The following TXNL4A variants were observed in gnomAD, a reference collection of about 807,000 sequenced individuals.
TXNL4A encodes the protein thioredoxin-like protein 4A.
A neutral mutation model predicts 14.6 loss-of-function variants in TXNL4A; 17 were observed. The ratio of observed to expected loss-of-function variants is 1.16; its 90% CI spans 0.80 to 1.74. The LOEUF (loss-of-function observed/expected upper bound fraction) is 1.74. Among genes scored for constraint, TXNL4A ranks in the 40% most tolerant of loss-of-function variants. The pLI, the probability that TXNL4A is intolerant of heterozygous loss-of-function variation, is 0.00. For synonymous variants in TXNL4A, 83 were observed against 70.6 expected (o/e 1.18, Z -0.88); for missense variants, 74 against 195.2 (o/e 0.38, Z 3.70).
intron 1 of TXNL4A, chr18:79,995,343 C>T (rs752478304): frequency 7.2e-5 from 11 of 152,336 alleles, no homozygotes; most frequent in Non-Finnish European, 7.3e-5. Context: ...TGAAGACAGA[C>T]GCAGAGATGC....
At position 79,999,405 on chromosome 18, in the gene TXNL4A, G is replaced by A. The variant is rs554857861; in HGVS notation, c.-60-21704C>T. On this transcript the variant is annotated intron_variant, in intron 1 of 2. Transcript: ENST00000585474. ...ACAAAAATTAGCCAGGCATGGTGGCGGGTGCCTGTAATCCCAGCTACTTGG... is the reference window on the plus strand; with the variant it reads ...ACAAAAATTAGCCAGGCATGGTGGCAGGTGCCTGTAATCCCAGCTACTTGG... Among the ~76,000 whole-genome samples, 71 of 151,764 alleles carry A rather than the reference G, an allele frequency of 4.7e-4. 1 individual carries two copies. Among genetic ancestry groups the A allele is most frequent in the Non-Finnish European group, 8.2e-4 (56 of 67,954 alleles).
At chr18:79,988,671 G>T (rs1327168009), upstream of TXNL4A, 6 of 267,242 alleles carry the variant, frequency 2.2e-5, no homozygotes, top group Admixed American at 5.5e-5. Flanking sequence ...GTAGTTGGCC[G>T]GGTGGAGCGG....
intron 1 of TXNL4A, among the ~76,000 whole-genome samples, chr18:79,995,751 A>G (rs965047665): frequency 2.6e-5 from 4 of 152,322 alleles, no homozygotes; most frequent in South Asian, 4.1e-4. Context: ...AGCCCCAGAA[A>G]GATTTTAAGC....
chr18:80,012,778 T>C (rs1338617710), intron 1 of TXNL4A, among the ~76,000 whole-genome samples: 1 of 152,244 alleles, frequency 6.6e-6, no homozygotes, highest in Non-Finnish European at 1.5e-5. Flanking sequence ...TTACAGGGTC[T>C]GTTGGTTTAG....
At position 79,975,732 on chromosome 18, in the gene TXNL4A, G is replaced by A. The variant is rs554113767; in HGVS notation, c.257+1866C>T. On this transcript the variant is annotated intron_variant, in intron 2 of 2. Coordinates refer to ENST00000269601, the MANE Select transcript of TXNL4A (RefSeq NM_006701.5). The stretch of plus-strand genomic sequence containing the variant: ...AGGGGACCCCCGTTACAGAGTGGCC[G>A]AGGAACAGGGACACGGGGTCCGCAG... 3.1e-4 allele frequency among the ~76,000 whole-genome samples: 47 copies of A among 152,260 alleles called. No individual in the cohort carries two copies. In the South Asian group the frequency reaches 3.7e-3, roughly 12 times the overall value.
At chr18:80,004,428 C>G (rs1454956403) in intron 1 of TXNL4A, among the ~76,000 whole-genome samples, 1 of 152,186 alleles carries the variant, frequency 6.6e-6, no homozygotes, top group African/African-American at 2.4e-5. Flanking sequence ...GGCTGCATCT[C>G]TCAAGCCAGA....
intron 1 of TXNL4A, among the ~76,000 whole-genome samples, chr18:80,026,906 A>C (rs750955543): frequency 6.6e-6 from 1 of 152,240 alleles, no homozygotes; most frequent in Non-Finnish European, 1.5e-5. Context: ...ATGTACCACA[A>C]TTTAGTACCA....
At chr18:80,012,713 G>A (rs2051778158) in intron 1 of TXNL4A, among the ~76,000 whole-genome samples, 1 of 152,200 alleles carries the variant, frequency 6.6e-6, no homozygotes, top group Admixed American at 6.5e-5. Flanking sequence ...GGCAAATAGA[G>A]TTTTGAAAAA....
Position 79,982,322 on chromosome 18 carries a change from T to C in TXNL4A, c.154-4621A>G, listed in dbSNP as rs569717838. ...GTATTTATTTCTAAGAAAGCAGGAATTGAAGAGTTCAGTTTTGTATATACT... is the reference window on the plus strand; with the variant it reads ...GTATTTATTTCTAAGAAAGCAGGAACTGAAGAGTTCAGTTTTGTATATACT... On this transcript the variant is annotated intron_variant, in intron 1 of 2. Coordinates refer to ENST00000269601, the MANE Select transcript of TXNL4A (RefSeq NM_006701.5). This position sits in a 1 kb window ranked among gnomAD's most constrained non-coding sequence, Gnocchi z 4.0. 1.3e-5 allele frequency among the ~76,000 whole-genome samples: 2 copies of C among 152,238 alleles called. No homozygotes were observed. Among genetic ancestry groups the C allele is most frequent in the South Asian group, 2.1e-4 (1 of 4,814 alleles).
At chr18:79,977,895 C>G in intron 1 of TXNL4A, 194 bp from the exon 2 acceptor site, 1 of 559,578 alleles carries the variant, frequency 1.8e-6, no homozygotes, top group Non-Finnish European at 3.2e-6. Flanking sequence ...CCTCGACCTC[C>G]CAGGCTCAAG....
At chr18:80,022,834 G>A (rs1007781740) in intron 1 of TXNL4A, among the ~76,000 whole-genome samples, 2 of 152,154 alleles carry the variant, frequency 1.3e-5, no homozygotes, top group African/African-American at 4.8e-5. Context: ...ATGGATACAA[G>A]TGTGACCTTT....
At chr18:79,988,701 G>C (rs1077512), upstream of TXNL4A, 42,141 of 214,006 alleles carry the variant, frequency 0.2, 4,643 homozygotes, top group Non-Finnish European at 0.23. Context: ...GGGCACCGTG[G>C]AGCGCCGTTG....
intron 1 of TXNL4A, among the ~76,000 whole-genome samples, chr18:80,032,387 C>G (rs1039611767): frequency 2.6e-5 from 4 of 152,108 alleles, no homozygotes; most frequent in African/African-American, 9.7e-5. Context: ...AATTTTGGGA[C>G]GCCAAATTCA....
rs1356334856 is a variant in TXNL4A at position 80,011,105 on chromosome 18, G to C, written c.-61+22746C>G. Among the ~76,000 whole-genome samples, 1 of 152,104 alleles carries C rather than the reference G, an allele frequency of 6.6e-6. No individual in the cohort carries two copies. The highest frequency in any genetic ancestry group is 2.4e-5 in the African/African-American group (1 of 41,426). ...TTATTTGCATTACCATTTGGTGCTTGTTAGCCCCTCGGGAAAGGAAACAAT... is the reference window on the plus strand; with the variant it reads ...TTATTTGCATTACCATTTGGTGCTTCTTAGCCCCTCGGGAAAGGAAACAAT... On this transcript the variant is annotated intron_variant, in intron 1 of 2. Coordinates refer to the TXNL4A transcript ENST00000585474. This position sits in a 1 kb window ranked among gnomAD's most constrained non-coding sequence, Gnocchi z 4.1.
intron 1 of TXNL4A, among the ~76,000 whole-genome samples, chr18:79,987,221 T>C (rs557714752): frequency 1.5e-4 from 23 of 152,320 alleles, no homozygotes; most frequent in African/African-American, 5.5e-4. Context: ...TTGTAATAAC[T>C]AAAATATAAC....
rs575791393 is a variant in TXNL4A, at chr18:80,032,632, G to C, written c.-61+1219C>G. ...AGTTGGGCGGATCACTTGAGGTCAG[G>C]AGTTTGAGACCAGCTTGGCCAACAT... is the stretch of plus-strand genomic sequence containing the variant. On this transcript the variant is annotated intron_variant, in intron 1 of 2. Coordinates refer to the TXNL4A transcript ENST00000585474. Among the ~76,000 whole-genome samples, 4 of 152,310 alleles carry C rather than the reference G, an allele frequency of 2.6e-5. No homozygotes were observed. The East Asian group carries it at 7.7e-4, about 29-fold the overall frequency.
chr18:80,003,922 G>A lies in TXNL4A; in HGVS notation c.-60-26221C>T, dbSNP rs902119846. Among the ~76,000 whole-genome samples, 19 of 152,058 alleles carry A rather than the reference G, an allele frequency of 1.2e-4. 1 individual carries two copies. Among genetic ancestry groups the A allele is most frequent in the South Asian group, 8.3e-4 (4 of 4,830 alleles). On this transcript the variant is annotated intron_variant, in intron 1 of 2. Coordinates refer to the TXNL4A transcript ENST00000585474. ...GACTCACTCACTATCACAACAGCAC[G>A]GGGAAAACCACCCCCACGATCCGGT... is the stretch of plus-strand genomic sequence containing the variant.
chr18:80,021,271 G>C (rs1029124248), intron 1 of TXNL4A, among the ~76,000 whole-genome samples: 15 of 151,972 alleles, frequency 9.9e-5, no homozygotes, highest in Admixed American at 6.6e-4. Context: ...CCACCTCCCA[G>C]GTTCATGCCA....
intron 1 of TXNL4A, among the ~76,000 whole-genome samples, chr18:80,012,177 T>C (rs956814974): frequency 2.6e-5 from 4 of 152,196 alleles, no homozygotes; most frequent in Non-Finnish European, 5.9e-5. Context: ...GCACTGATTT[T>C]CTTAAGAAGG....
Sources: allele counts gnomAD v4.1 joint callset (sites outside exome capture counted in the v4.1 genomes callset), GRCh38; gene constraint gnomAD v4.1.1; non-coding constraint Gnocchi (gnomAD v3.1); transcripts MANE v1.5; gene names NCBI Gene and HGNC (gene_info 2026-07-23, HGNC 2026-07-21).